The following SPICE1 variants were observed in gnomAD, a reference collection of about 807,000 sequenced individuals.
SPICE1 encodes spindle and centriole-associated protein 1.
SPICE1 carries 75 observed loss-of-function variants against 102.7 expected under a neutral mutation model. The ratio of observed to expected loss-of-function variants is 0.73; its 90% CI spans 0.61 to 0.88. The LOEUF (loss-of-function observed/expected upper bound fraction) is 0.88. SPICE1 is among the 40% of genes least tolerant of loss of function. SPICE1 has a pLI of 0.00. For missense variants in SPICE1, 979 were observed against 1,020.1 expected (o/e 0.96, Z 0.55); for synonymous variants, 308 against 350.3 (o/e 0.88, Z 1.35).
chr3:113,463,238 TCTAA>T lies in SPICE1; in HGVS notation c.1287+2411_1287+2414del, dbSNP rs1935974920. On this transcript the variant is annotated intron_variant, in intron 11 of 17. Transcript: ENST00000295872. ...TTTTTCTTCAAAGTACATATCACCA[TCTAA>T]CTTACTATACTTCAACTTTTTGTTT... Among the ~76,000 whole-genome samples the T allele has an allele frequency of 2.0e-5, 3 of 152,342 alleles. No homozygotes were observed. In the South Asian group the frequency reaches 6.2e-4, roughly 32 times the overall value.
At chr3:113,449,823 T>C (rs1228937531) in intron 15 of SPICE1, 1 of 155,132 alleles carries the variant, frequency 6.4e-6, no homozygotes, top group Non-Finnish European at 1.4e-5. Flanking sequence ...GATACATACT[T>C]CGTTTCATCA....
chr3:113,514,679 C>G (rs371460929), intron 1 of SPICE1: 2 of 914,906 alleles, frequency 2.2e-6, no homozygotes, highest in Non-Finnish European at 3.1e-6. Flanking sequence ...TCTGAGAAGC[C>G]CCTCTGACAT....
intron 7 of SPICE1, among the ~76,000 whole-genome samples, chr3:113,480,715 T>C (rs918335591): frequency 4.0e-5 from 6 of 151,754 alleles, no homozygotes; most frequent in African/African-American, 1.5e-4. Flanking sequence ...TTCCTTAGCA[T>C]TGTTTAAAAA....
At chr3:113,514,763 T>A (rs922645046) in intron 1 of SPICE1, 134 bp downstream of exon 1, 14 of 1,287,990 alleles carry the variant, frequency 1.1e-5, no homozygotes, top group Non-Finnish European at 1.3e-5. Context: ...CACGGTGAAC[T>A]CCCCCAACGC....
At chr3:113,459,984 T>G in intron 12 of SPICE1, 3 of 985,338 alleles carry the variant, frequency 3.0e-6, no homozygotes, top group Non-Finnish European at 3.6e-6. Context: ...GTCAGCCACT[T>G]CTTAGAATCC....
At chr3:113,471,491 G>A (rs913602635) in intron 7 of SPICE1, among the ~76,000 whole-genome samples, 5 of 152,134 alleles carry the variant, frequency 3.3e-5, no homozygotes, top group South Asian at 2.1e-4. Context: ...TGGAGGGAGT[G>A]TGGCCCTACT....
At chr3:113,445,440 C>A (rs1935491001) in intron 17 of SPICE1, 80 bp from the exon 18 acceptor site, 2 of 1,186,344 alleles carry the variant, frequency 1.7e-6, no homozygotes, top group Non-Finnish European at 1.2e-6. Flanking sequence ...TCATTTAGAC[C>A]AAGTGCATAA....
In SPICE1 at chr3:113,468,299, T is replaced by C; in HGVS notation, c.995A>G (p.Asp332Gly). ...TTCATGTATCATGTGTTTGAGGACA[T>C]CCAGGTTGGAATTAGTCCTATTTGG... ...DLPNRTNSNL[D>G]VLKHMIHEVE... The change falls in exon 10 of 18, where the codon GAT becomes GGT. Residue 332 changes from aspartate to glycine, a missense_variant. Coordinates refer to ENST00000295872, the MANE Select transcript of SPICE1 (RefSeq NM_144718.4). 6.2e-7 allele frequency: 1 copy of C among 1,614,178 alleles called. No individual in the cohort carries two copies. Among genetic ancestry groups the C allele is most frequent in the Non-Finnish European group, 8.5e-7 (1 of 1,180,038 alleles).
At chr3:113,470,145 T>C (rs1018197826) in intron 7 of SPICE1, among the ~76,000 whole-genome samples, 6 of 152,228 alleles carry the variant, frequency 3.9e-5, no homozygotes, top group Middle Eastern at 3.2e-3. Context: ...GTGCTAAAGT[T>C]ACAGCCTACC....
chr3:113,485,752 C>T (rs1035826517), intron 7 of SPICE1, among the ~76,000 whole-genome samples: 1 of 152,108 alleles, frequency 6.6e-6, no homozygotes, highest in Non-Finnish European at 1.5e-5. Flanking sequence ...CAAAATTCAA[C>T]GTCATAAAGA....
chr3:113,499,990 G>T (rs1328598313), intron 3 of SPICE1, among the ~76,000 whole-genome samples: 1 of 151,574 alleles, frequency 6.6e-6, no homozygotes, highest in African/African-American at 2.4e-5. Context: ...AATGTAAAAG[G>T]TACAAAATCC....
At chr3:113,472,233 G>A (rs1421834404) in intron 7 of SPICE1, among the ~76,000 whole-genome samples, 1 of 152,244 alleles carries the variant, frequency 6.6e-6, no homozygotes, top group Non-Finnish European at 1.5e-5. Context: ...GCTGGGGGAG[G>A]GGCACCCGCC....
intron 7 of SPICE1, among the ~76,000 whole-genome samples, chr3:113,473,187 C>T (rs148723649): frequency 0.043 from 6,506 of 151,800 alleles, 166 homozygotes; most frequent in East Asian, 0.1. Flanking sequence ...AGGGTATCAG[C>T]GATGGAAGAT....
intron 1 of SPICE1, among the ~76,000 whole-genome samples, chr3:113,510,230 T>C (rs1237128944): frequency 6.6e-6 from 1 of 152,220 alleles, no homozygotes; most frequent in Non-Finnish European, 1.5e-5. Flanking sequence ...ACTATGCCTA[T>C]TAAACTACCA....
intron 8 of SPICE1, 37 bp downstream of exon 8, chr3:113,469,062 A>G: frequency 6.3e-7 from 1 of 1,598,964 alleles, no homozygotes; most frequent in Non-Finnish European, 8.5e-7. Context: ...AACCTAATAA[A>G]GCAGGCACCT....
At chr3:113,453,092 A>G (rs1935695062) in intron 14 of SPICE1, among the ~76,000 whole-genome samples, 1 of 152,224 alleles carries the variant, frequency 6.6e-6, no homozygotes, top group South Asian at 2.1e-4. Context: ...TTGAGGGCCA[A>G]TACTCTTTTA....
At chr3:113,480,558 G>T (rs891600609) in intron 7 of SPICE1, among the ~76,000 whole-genome samples, 8 of 151,916 alleles carry the variant, frequency 5.3e-5, no homozygotes, top group African/African-American at 1.9e-4. Context: ...CGCAATATTA[G>T]GAAACTCATA....
At chr3:113,484,587 T>G (rs1250632910) in intron 7 of SPICE1, among the ~76,000 whole-genome samples, 3 of 152,218 alleles carry the variant, frequency 2.0e-5, no homozygotes, top group Non-Finnish European at 2.9e-5. Context: ...GTCTTTGTTC[T>G]CTCTGGTTTC....
intron 7 of SPICE1, among the ~76,000 whole-genome samples, chr3:113,471,388 G>A (rs1310582045): frequency 6.6e-6 from 1 of 152,162 alleles, no homozygotes; most frequent in Non-Finnish European, 1.5e-5. Flanking sequence ...GAGATGATGT[G>A]AAGACAAGAG....
Sources: allele counts gnomAD v4.1 joint callset (sites outside exome capture counted in the v4.1 genomes callset), GRCh38; gene constraint gnomAD v4.1.1; transcripts MANE v1.5; gene names NCBI Gene and HGNC (gene_info 2026-07-23, HGNC 2026-07-21).